The following PRIMA1 variants were observed in gnomAD, a reference collection of about 807,000 sequenced individuals.
PRIMA1 encodes the protein proline rich membrane anchor 1.
PRIMA1 carries 7 observed loss-of-function variants against 17.5 expected under a neutral mutation model. The observed-to-expected ratio is 0.40, with a 90% CI of 0.23 to 0.75. PRIMA1 has a LOEUF of 0.75. Among genes scored for constraint, PRIMA1 ranks in the 30% least tolerant of loss-of-function variants. The pLI is 0.37. For missense variants in PRIMA1, 200 were observed against 201.8 expected (o/e 0.99, Z 0.05); for synonymous variants, 97 against 77.9 (o/e 1.25, Z -1.29).
At chr14:93,773,527 T>A (rs555199653) in intron 3 of PRIMA1, among the ~76,000 whole-genome samples, 1 of 152,318 alleles carries the variant, frequency 6.6e-6, no homozygotes, top group African/African-American at 2.4e-5. Context: ...GCGCTTCCGA[T>A]ACAAGCTCAA....
chr14:93,760,317 C>T (rs1025111841), intron 3 of PRIMA1, among the ~76,000 whole-genome samples: 5 of 152,212 alleles, frequency 3.3e-5, no homozygotes, highest in African/African-American at 7.2e-5. Flanking sequence ...CACAGCCAGA[C>T]TCCTCTGCCC....
At chr14:93,771,432 A>G (rs1445821739) in intron 3 of PRIMA1, among the ~76,000 whole-genome samples, 1 of 152,210 alleles carries the variant, frequency 6.6e-6, no homozygotes, top group Non-Finnish European at 1.5e-5. Flanking sequence ...GCGGCATCAC[A>G]TGGAGTGTTA....
chr14:93,740,404 G>A (rs953042896), intron 3 of PRIMA1, among the ~76,000 whole-genome samples: 2 of 152,164 alleles, frequency 1.3e-5, no homozygotes, highest in Non-Finnish European at 2.9e-5. Flanking sequence ...CCTACACTCT[G>A]GGAAGTCAGA....
At chr14:93,759,067 G>A (rs1421930722) in intron 3 of PRIMA1, among the ~76,000 whole-genome samples, 1 of 152,180 alleles carries the variant, frequency 6.6e-6, no homozygotes, top group Non-Finnish European at 1.5e-5. Context: ...ACAGACAGCT[G>A]TCGCTTTCCA....
rs369309521 is a variant in PRIMA1, at chr14:93,745,863, T to C, written c.230-8493A>G. On this transcript the variant is annotated intron_variant, in intron 3 of 4. Transcript: ENST00000393140. ...ACTTTGGGCAAGTCATTGACTCTGTTAGATTTAATCTCAGTTTCTTCCACT... is the reference window on the plus strand; with the variant it reads ...ACTTTGGGCAAGTCATTGACTCTGTCAGATTTAATCTCAGTTTCTTCCACT... Among the ~76,000 whole-genome samples, 12 of 152,348 alleles carry C rather than the reference T, an allele frequency of 7.9e-5. No individual in the cohort carries two copies. The East Asian group carries it at 1.9e-3, about 24-fold the overall frequency.
intron 3 of PRIMA1, among the ~76,000 whole-genome samples, chr14:93,759,406 G>A (rs1319326571): frequency 1.3e-5 from 2 of 152,078 alleles, no homozygotes; most frequent in African/African-American, 4.8e-5. Context: ...AAAACCACTG[G>A]TGGGATAAAA....
At chr14:93,753,968 T>A (rs1376606392) in intron 3 of PRIMA1, among the ~76,000 whole-genome samples, 1 of 152,238 alleles carries the variant, frequency 6.6e-6, no homozygotes, top group East Asian at 1.9e-4. Flanking sequence ...AGGCCACCCC[T>A]CTGGGCTGGG....
At chr14:93,729,462 C>A (rs992255090) in intron 4 of PRIMA1, among the ~76,000 whole-genome samples, 1 of 152,202 alleles carries the variant, frequency 6.6e-6, no homozygotes, top group Non-Finnish European at 1.5e-5. Flanking sequence ...AACCCCCAGT[C>A]TCAGGGCCCC....
intron 4 of PRIMA1, among the ~76,000 whole-genome samples, chr14:93,723,171 C>A (rs566508889): frequency 6.6e-6 from 1 of 152,280 alleles, no homozygotes; most frequent in Non-Finnish European, 1.5e-5. Flanking sequence ...TTCCATGCCA[C>A]AATTCCGCTA....
intron 3 of PRIMA1, among the ~76,000 whole-genome samples, chr14:93,748,144 G>C (rs899699850): frequency 6.6e-6 from 1 of 152,152 alleles, no homozygotes; most frequent in African/African-American, 2.4e-5. Context: ...GTGAGAGACT[G>C]TGTGAGTGCT....
intron 3 of PRIMA1, among the ~76,000 whole-genome samples, chr14:93,741,949 C>A (rs2076186854): frequency 6.6e-6 from 1 of 152,172 alleles, no homozygotes; most frequent in African/African-American, 2.4e-5. Flanking sequence ...ATTTAACACT[C>A]CTGACGCCTG....
intron 3 of PRIMA1, among the ~76,000 whole-genome samples, chr14:93,769,459 C>T (rs777845011): frequency 3.3e-5 from 5 of 152,162 alleles, no homozygotes; most frequent in South Asian, 2.1e-4. Flanking sequence ...ACCCCGAGGC[C>T]GGAATCAATG....
intron 3 of PRIMA1, among the ~76,000 whole-genome samples, chr14:93,772,247 C>A (rs1049584788): frequency 6.6e-6 from 1 of 152,248 alleles, no homozygotes; most frequent in South Asian, 2.1e-4. Context: ...CCTGGCTCCA[C>A]CACTGTTGTG....
At chr14:93,724,511 A>G (rs1595187764) in intron 4 of PRIMA1, among the ~76,000 whole-genome samples, 2 of 152,212 alleles carry the variant, frequency 1.3e-5, no homozygotes, top group East Asian at 3.9e-4. Context: ...CTTTTCCAGA[A>G]AGCCTTAAGC....
At chr14:93,774,873 G>A (rs1885167889) in intron 3 of PRIMA1, among the ~76,000 whole-genome samples, 1 of 152,252 alleles carries the variant, frequency 6.6e-6, no homozygotes, top group Admixed American at 6.5e-5. Context: ...TGGGGTGGGT[G>A]TGGCCCATGA....
intron 2 of PRIMA1, among the ~76,000 whole-genome samples, chr14:93,784,711 C>T (rs1323867264): frequency 6.6e-6 from 1 of 152,188 alleles, no homozygotes. Context: ...CCTAACTTCT[C>T]ATCCTTCATG....
chr14:93,750,589 A>T (rs542584490), intron 3 of PRIMA1, among the ~76,000 whole-genome samples: 1 of 152,144 alleles, frequency 6.6e-6, no homozygotes, highest in African/African-American at 2.4e-5. Flanking sequence ...ACACAGACAC[A>T]CCTATTTGTT....
At chr14:93,774,877 C>T (rs978461551) in intron 3 of PRIMA1, among the ~76,000 whole-genome samples, 1 of 152,198 alleles carries the variant, frequency 6.6e-6, no homozygotes, top group African/African-American at 2.4e-5. Context: ...GTGGGTGTGG[C>T]CCATGACCTA....
At chr14:93,747,934 T>C (rs2076233443) in intron 3 of PRIMA1, among the ~76,000 whole-genome samples, 1 of 70,520 alleles carries the variant, frequency 1.4e-5, no homozygotes, top group East Asian at 2.5e-4. Flanking sequence ...AGTGTGATTA[T>C]GTGAGTGTGT....
Sources: gnomAD v4.1 joint callset for allele counts (sites outside exome capture counted in the v4.1 genomes callset) on GRCh38, gnomAD v4.1.1 for gene constraint, MANE v1.5 for transcripts, NCBI Gene and HGNC (gene_info 2026-07-23, HGNC 2026-07-21) for gene names.